PRH1: variants seen among roughly 807,000 people sequenced by gnomAD.
The protein encoded by PRH1 is salivary acidic proline-rich phosphoprotein 1/2.
A neutral mutation model predicts 7.9 loss-of-function variants in PRH1; 7 were observed. That is an observed-to-expected ratio of 0.89 (90% CI 0.50 to 1.67). The LOEUF (loss-of-function observed/expected upper bound fraction) is 1.67, where lower values mean the gene tolerates loss of function less well. Among genes scored for constraint, PRH1 ranks in the 40% most tolerant of loss-of-function variants. The probability of loss-of-function intolerance (pLI) is 0.00; values close to 1 mark genes in which losing one functional copy is unlikely to be tolerated. For missense variants in PRH1, 109 were observed against 223.6 expected (o/e 0.49, Z 3.27); for synonymous variants, 45 against 80.8 (o/e 0.56, Z 2.38).
intron 1 of PRH1, among the ~76,000 whole-genome samples, chr12:10,981,864 A>ATTTTT (rs3033036): frequency 1.4e-5 from 2 of 141,632 alleles, no homozygotes; most frequent in Non-Finnish European, 3.1e-5. Flanking sequence ...CAAACAACTA[A>ATTTTT]TTTTTTTTTT....
downstream of PRH1, among the ~76,000 whole-genome samples, chr12:11,119,335 GA>G (rs1945825564): frequency 6.6e-6 from 1 of 151,660 alleles, no homozygotes; most frequent in Non-Finnish European, 1.5e-5. Flanking sequence ...AAAATAGAAA[GA>G]GTGAATGAGA....
intron 2 of PRH1, among the ~76,000 whole-genome samples, chr12:10,901,268 G>A (rs1207359330): frequency 6.6e-6 from 1 of 152,066 alleles, no homozygotes; most frequent in African/African-American, 2.4e-5. Context: ...GTGGGGGTGG[G>A]TTCTGCTCCA....
At chr12:11,042,000 G>T (rs1314329929) in intron 1 of PRH1, among the ~76,000 whole-genome samples, 1 of 149,994 alleles carries the variant, frequency 6.7e-6, no homozygotes, top group Non-Finnish European at 1.5e-5. Context: ...GAAATTTACA[G>T]CTATAAAAGC....
At chr12:10,890,951 C>G (rs1005578001) in intron 2 of PRH1, among the ~76,000 whole-genome samples, 3 of 151,984 alleles carry the variant, frequency 2.0e-5, no homozygotes, top group Non-Finnish European at 4.4e-5. Flanking sequence ...CCCCTTCCCC[C>G]AACCCCCAGA....
At chr12:10,966,501 T>C (rs1163143413) in intron 2 of PRH1, among the ~76,000 whole-genome samples, 1 of 152,138 alleles carries the variant, frequency 6.6e-6, no homozygotes, top group Non-Finnish European at 1.5e-5. Context: ...AATGAGAAAA[T>C]AATGGAGTCA....
intron 1 of PRH1, chr12:11,021,975 G>T (rs1941666914): frequency 6.2e-7 from 1 of 1,604,562 alleles, no homozygotes; most frequent in African/African-American, 1.4e-5. Context: ...AAAGAGAACA[G>T]ATTAACAGCA....
intron 1 of PRH1, among the ~76,000 whole-genome samples, chr12:10,990,025 G>C (rs965885865): frequency 6.6e-6 from 1 of 152,096 alleles, no homozygotes; most frequent in Non-Finnish European, 1.5e-5. Flanking sequence ...AAGTTATCCT[G>C]AGCAAAAAGA....
downstream of PRH1, among the ~76,000 whole-genome samples, chr12:11,118,547 T>C (rs1945795501): frequency 6.6e-6 from 1 of 152,170 alleles, no homozygotes; most frequent in South Asian, 2.1e-4. Flanking sequence ...AGTTACCATA[T>C]GATCCAGCAA....
intron 1 of PRH1, among the ~76,000 whole-genome samples, chr12:11,027,052 C>A (rs555892338): frequency 6.6e-6 from 1 of 152,340 alleles, no homozygotes; most frequent in Admixed American, 6.5e-5. Context: ...ATCATTTGAG[C>A]CCAGGATTTT....
chr12:11,138,781 G>A (rs1217391076), intron 1 of PRH1, among the ~76,000 whole-genome samples: 2 of 145,160 alleles, frequency 1.4e-5, no homozygotes, highest in South Asian at 2.1e-4. Context: ...GCTCATAACT[G>A]TAATCCCACC....
chr12:11,003,427 A>G, intron 1 of PRH1, among the ~76,000 whole-genome samples: 1 of 152,068 alleles, frequency 6.6e-6, no homozygotes, highest in Admixed American at 6.5e-5. Flanking sequence ...TTTGCCAGCA[A>G]TGAAGACATT....
At chr12:10,923,690 C>G (rs890936971) in intron 2 of PRH1, among the ~76,000 whole-genome samples, 3 of 152,168 alleles carry the variant, frequency 2.0e-5, no homozygotes, top group African/African-American at 7.2e-5. Flanking sequence ...AGACATTAGG[C>G]ATAAGTAGCA....
chr12:11,038,823 C>T (rs545367390), intron 1 of PRH1, among the ~76,000 whole-genome samples: 2 of 134,378 alleles, frequency 1.5e-5, no homozygotes, highest in East Asian at 5.4e-4. Context: ...TCAGATAATG[C>T]CATACTCGGC....
chr12:11,171,089 T>TA (rs1199528710), intron 1 of PRH1: 2 of 377,302 alleles, frequency 5.3e-6, no homozygotes, highest in African/African-American at 4.2e-5. Context: ...GTACATGCTA[T>TA]ATAACACATC....
chr12:10,951,637 C>A (rs1280479827), intron 2 of PRH1, among the ~76,000 whole-genome samples: 1 of 152,114 alleles, frequency 6.6e-6, no homozygotes, highest in Non-Finnish European at 1.5e-5. Context: ...ACTGATCTCG[C>A]ATCCTTAGGC....
intron 1 of PRH1, among the ~76,000 whole-genome samples, chr12:11,144,555 C>A (rs1480360673): frequency 7.2e-5 from 11 of 152,180 alleles, no homozygotes; most frequent in Admixed American, 6.5e-4. Context: ...TAGTTCTTCC[C>A]CAGCCTGTGA....
chr12:10,965,347 T>C, intron 2 of PRH1: 4 of 1,181,670 alleles, frequency 3.4e-6, no homozygotes, highest in South Asian at 1.2e-5. Flanking sequence ...GTAGAAAAGT[T>C]ATCATGTCTG....
chr12:11,167,042 T>A (rs1947602481), intron 1 of PRH1, among the ~76,000 whole-genome samples: 1 of 152,196 alleles, frequency 6.6e-6, no homozygotes, highest in African/African-American at 2.4e-5. Flanking sequence ...TAATCTCCCA[T>A]CTCAAGGTGC....
At chr12:10,986,738 G>A in intron 1 of PRH1, 1 of 1,612,808 alleles carries the variant, frequency 6.2e-7, no homozygotes, top group Non-Finnish European at 8.5e-7. Flanking sequence ...CAGCTGAGGA[G>A]ATCTTTTTTC....
Sources: gnomAD v4.1 joint callset for allele counts (sites outside exome capture counted in the v4.1 genomes callset) on GRCh38, gnomAD v4.1.1 for gene constraint, MANE v1.5 for transcripts, NCBI Gene and HGNC (gene_info 2026-07-23, HGNC 2026-07-21) for gene names.